The following XKR9 variants were observed in gnomAD, a reference collection of about 807,000 sequenced individuals.
XKR9 encodes XK related 9.
In XKR9, 32 loss-of-function variants were observed where a neutral mutation model predicts 32.0. That is an observed-to-expected ratio of 1.00 (90% CI 0.76 to 1.34). The LOEUF (loss-of-function observed/expected upper bound fraction) is 1.34, where lower values mean the gene tolerates loss of function less well. Among genes scored for constraint, XKR9 ranks in the 40% most tolerant of loss-of-function variants. The pLI, the probability that XKR9 is intolerant of heterozygous loss-of-function variation, is 0.00. For synonymous variants in XKR9, 168 were observed against 143.4 expected, an observed-to-expected ratio of 1.17 and a Z score of -1.22; for missense variants, 546 against 429.7, an observed-to-expected ratio of 1.27 and a Z score of -2.39.
chr8:70,870,891 A>C, the XKR9 span, among the ~76,000 whole-genome samples: 1 of 152,338 alleles, frequency 6.6e-6, no homozygotes, highest in Non-Finnish European at 1.5e-5. Context: ...AAAGAAAGAT[A>C]AGGGGGAAAC....
the XKR9 span, among the ~76,000 whole-genome samples, chr8:71,012,202 T>A: frequency 6.6e-6 from 1 of 152,070 alleles, no homozygotes; most frequent in Non-Finnish European, 1.5e-5. Flanking sequence ...CTACAGTGAA[T>A]CATCTGAGAA....
At chr8:70,929,215 A>C in the XKR9 span, among the ~76,000 whole-genome samples, 1 of 152,216 alleles carries the variant, frequency 6.6e-6, no homozygotes, top group East Asian at 1.9e-4. Context: ...TCTCTAGTCT[A>C]TAGTGGTCAG....
the XKR9 span, among the ~76,000 whole-genome samples, chr8:70,999,923 A>T: frequency 6.6e-6 from 1 of 152,182 alleles, no homozygotes; most frequent in Non-Finnish European, 1.5e-5. Context: ...TCTCACCAGA[A>T]CCTTGCATCC....
intron 4 of XKR9, among the ~76,000 whole-genome samples, chr8:70,712,068 G>A (rs1805937150): frequency 1.3e-5 from 2 of 152,088 alleles, no homozygotes; most frequent in Middle Eastern, 3.2e-3. Context: ...TTCTGAAATC[G>A]TGCTTTTATT....
chr8:71,009,631 GA>G, the XKR9 span, among the ~76,000 whole-genome samples: 1 of 152,154 alleles, frequency 6.6e-6, no homozygotes, highest in Non-Finnish European at 1.5e-5. Context: ...ACTTGAATTT[GA>G]ACTGAAGTGG....
chr8:70,698,878 G>T (rs1186959591), intron 3 of XKR9, among the ~76,000 whole-genome samples: 12 of 152,108 alleles, frequency 7.9e-5, no homozygotes, highest in Non-Finnish European at 1.6e-4. Context: ...CCTGTATTGG[G>T]TGCATATATA....
At chr8:70,713,919 G>C (rs115701940) in intron 4 of XKR9, among the ~76,000 whole-genome samples, 73 of 152,230 alleles carry the variant, frequency 4.8e-4, no homozygotes, top group African/African-American at 1.7e-3. Context: ...TTAAACAGTA[G>C]AACTTTATTT....
chr8:70,912,655 G>T, the XKR9 span, among the ~76,000 whole-genome samples: 1 of 152,028 alleles, frequency 6.6e-6, no homozygotes, highest in Admixed American at 6.6e-5. Flanking sequence ...TTCTTGTCTG[G>T]AGCTCAGACC....
At chr8:70,935,604 A>G in the XKR9 span, among the ~76,000 whole-genome samples, 3 of 152,000 alleles carry the variant, frequency 2.0e-5, no homozygotes, top group Non-Finnish European at 4.4e-5. Context: ...TTACTTTGCA[A>G]TTAAGAGTTG....
At chr8:70,709,666 G>C (rs1333269778) in intron 4 of XKR9, among the ~76,000 whole-genome samples, 1 of 152,132 alleles carries the variant, frequency 6.6e-6, no homozygotes, top group Non-Finnish European at 1.5e-5. Flanking sequence ...TGTCCAAGCT[G>C]AGAGCCAAAT....
chr8:70,975,327 C>T, the XKR9 span, among the ~76,000 whole-genome samples: 1 of 152,286 alleles, frequency 6.6e-6, no homozygotes, highest in Non-Finnish European at 1.5e-5. Context: ...ATGCCTATGT[C>T]CTGAATGGTA....
intron 3 of XKR9, among the ~76,000 whole-genome samples, chr8:70,687,436 C>T (rs540813023): frequency 6.6e-6 from 1 of 150,680 alleles, no homozygotes; most frequent in African/African-American, 2.4e-5. Flanking sequence ...ACAGGCTCAT[C>T]ATAGCTCATT....
chr8:70,813,619 C>A, the XKR9 span, among the ~76,000 whole-genome samples: 5 of 152,084 alleles, frequency 3.3e-5, no homozygotes, highest in Non-Finnish European at 5.9e-5. Flanking sequence ...ACCCCATCAA[C>A]AAGTGGGCAA....
chr8:71,016,736 A>C, the XKR9 span, among the ~76,000 whole-genome samples: 1 of 152,230 alleles, frequency 6.6e-6, no homozygotes, highest in Non-Finnish European at 1.5e-5. Flanking sequence ...CATTTCCACC[A>C]GTAGTAATAA....
At chr8:70,894,439 C>G in the XKR9 span, among the ~76,000 whole-genome samples, 1 of 152,088 alleles carries the variant, frequency 6.6e-6, no homozygotes. Context: ...GTGTCTCAAC[C>G]CAGCCACTTC....
the XKR9 span, among the ~76,000 whole-genome samples, chr8:70,835,806 A>G: frequency 6.6e-6 from 1 of 152,078 alleles, no homozygotes. Context: ...GGTATGATCC[A>G]TTGTTTTGAG....
At chr8:70,935,689 A>G in the XKR9 span, among the ~76,000 whole-genome samples, 2 of 152,092 alleles carry the variant, frequency 1.3e-5, no homozygotes, top group African/African-American at 4.8e-5. Context: ...ATCTAGAATT[A>G]AGAATAAGAA....
chr8:70,925,024 C>T, the XKR9 span, among the ~76,000 whole-genome samples: 1 of 152,150 alleles, frequency 6.6e-6, no homozygotes, highest in Admixed American at 6.5e-5. Context: ...ATGCTCTCTG[C>T]TTATTGAACT....
Position 70,680,905 on chromosome 8 carries a change from A to C in XKR9, c.-154A>C, listed in dbSNP as rs1819056052. ...TAGTCACTTTAGTGTTAGTGTTCCC[A>C]TTTCATAATATTTATTCTTTCTTCT... On this transcript the variant is annotated 5_prime_UTR_variant, in exon 3 of 5. Transcript: ENST00000408926. 3.0e-6 allele frequency: 2 copies of C among 671,916 alleles called. No homozygotes were observed. Among genetic ancestry groups the C allele is most frequent in the Non-Finnish European group, 4.7e-6 (2 of 425,908 alleles). 41.6% of individuals were successfully genotyped at this position (671,916 alleles called of 1,614,324 possible). A position where few individuals can be genotyped will look rare whatever the true frequency, so the allele number is the denominator to read the frequency against.
Sources: allele counts gnomAD v4.1 joint callset (sites outside exome capture counted in the v4.1 genomes callset), GRCh38; gene constraint gnomAD v4.1.1; transcripts MANE v1.5; gene names NCBI Gene and HGNC (gene_info 2026-07-23, HGNC 2026-07-21).